The following CCBE1 variants were observed in gnomAD, a reference collection of about 807,000 sequenced individuals.
CCBE1 encodes collagen and calcium binding EGF domains 1, also known as collagen and calcium-binding EGF domain-containing protein 1.
A neutral mutation model predicts 50.0 loss-of-function variants in CCBE1; 37 were observed. The ratio of observed to expected loss-of-function variants is 0.74; its 90% confidence interval spans 0.57 to 0.97. The LOEUF is 0.97. Ranked by LOEUF, CCBE1 falls within the 50% of genes least tolerant of loss-of-function variation. The pLI is 0.00. For missense variants in CCBE1, 538 were observed against 523.8 expected, an observed-to-expected ratio of 1.03 and a Z score of -0.26; for synonymous variants, 234 against 203.7, an observed-to-expected ratio of 1.15 and a Z score of -1.27.
intron 2 of CCBE1, among the ~76,000 whole-genome samples, chr18:59,641,337 A>G (rs1419793337): frequency 6.6e-6 from 1 of 152,224 alleles, no homozygotes. Flanking sequence ...AAACTAACAC[A>G]GGAACAGAAA....
intron 2 of CCBE1, among the ~76,000 whole-genome samples, chr18:59,633,984 C>T (rs371252626): frequency 6.6e-6 from 1 of 152,108 alleles, no homozygotes; most frequent in Non-Finnish European, 1.5e-5. Flanking sequence ...GGCAGATGTA[C>T]GTACAAAATT....
chr18:59,438,168 T>C (rs1223570719), intron 9 of CCBE1, 22 bp from the exon 10 acceptor site: 1 of 1,613,768 alleles, frequency 6.2e-7, no homozygotes, highest in Admixed American at 1.7e-5. Flanking sequence ...AAGGCCAGGG[T>C]TAGCTTTCTA....
intron 2 of CCBE1, among the ~76,000 whole-genome samples, chr18:59,564,641 C>T (rs1032759539): frequency 3.9e-5 from 6 of 152,212 alleles, no homozygotes; most frequent in Admixed American, 6.5e-5. Context: ...CTTTGGGATT[C>T]GTGTGAAACA....
intron 2 of CCBE1, among the ~76,000 whole-genome samples, chr18:59,691,153 A>G (rs2054725660): frequency 6.6e-6 from 1 of 152,236 alleles, no homozygotes; most frequent in Non-Finnish European, 1.5e-5. Context: ...TTTACTTTTA[A>G]CATAGTCATT....
intron 2 of CCBE1, among the ~76,000 whole-genome samples, chr18:59,663,777 T>G (rs1599114637): frequency 6.6e-6 from 1 of 152,036 alleles, no homozygotes; most frequent in African/African-American, 2.4e-5. Flanking sequence ...GAGACTGTCA[T>G]GAGGCAGAAG....
At chr18:59,553,892 G>A (rs1916017286) in intron 2 of CCBE1, among the ~76,000 whole-genome samples, 1 of 152,246 alleles carries the variant, frequency 6.6e-6, no homozygotes, top group African/African-American at 2.4e-5. Flanking sequence ...ACAAAGCATG[G>A]CCAATAGCTT....
chr18:59,517,003 C>T (rs1010396139), intron 2 of CCBE1, among the ~76,000 whole-genome samples: 4 of 152,212 alleles, frequency 2.6e-5, no homozygotes, highest in African/African-American at 7.2e-5. Flanking sequence ...AGCCAGATCA[C>T]TTGTATATCA....
chr18:59,596,778 G>C (rs1390830172), intron 2 of CCBE1, among the ~76,000 whole-genome samples: 1 of 152,224 alleles, frequency 6.6e-6, no homozygotes, highest in Non-Finnish European at 1.5e-5. Context: ...AGTGTTGAGA[G>C]GGCCACAGGT....
At chr18:59,563,315 T>C (rs78871555) in intron 2 of CCBE1, among the ~76,000 whole-genome samples, 3,109 of 152,394 alleles carry the variant, frequency 0.02, 61 homozygotes, top group Non-Finnish European at 0.031. Flanking sequence ...TTAGTTTTTC[T>C]TGATTTTTTA....
intron 2 of CCBE1, among the ~76,000 whole-genome samples, chr18:59,519,291 G>T (rs1914500969): frequency 6.6e-6 from 1 of 152,124 alleles, no homozygotes; most frequent in African/African-American, 2.4e-5. Flanking sequence ...CAGCTTGGAG[G>T]TTCCTGGACT....
intron 2 of CCBE1, among the ~76,000 whole-genome samples, chr18:59,523,345 A>ACAG (rs1291791899): frequency 3.3e-5 from 5 of 151,014 alleles, no homozygotes; most frequent in Admixed American, 6.6e-5. Flanking sequence ...TGATAGGGAT[A>ACAG]CAGCCTTTGA....
chr18:59,489,601 TG>T (rs1263752695), intron 2 of CCBE1, among the ~76,000 whole-genome samples: 1 of 151,948 alleles, frequency 6.6e-6, no homozygotes, highest in Non-Finnish European at 1.5e-5. Flanking sequence ...TTAGTAGAGA[TG>T]GGGTTTTGCC....
At chr18:59,621,281 G>A (rs2053707048) in intron 2 of CCBE1, among the ~76,000 whole-genome samples, 1 of 152,202 alleles carries the variant, frequency 6.6e-6, no homozygotes, top group Admixed American at 6.5e-5. Context: ...CAGCAGATGG[G>A]CAGGTGGACA....
At chr18:59,561,841 C>G (rs962544371) in intron 2 of CCBE1, among the ~76,000 whole-genome samples, 2 of 152,114 alleles carry the variant, frequency 1.3e-5, no homozygotes, top group African/African-American at 2.4e-5. Context: ...CTCAAGCAGC[C>G]GAGACAGGGT....
intron 2 of CCBE1, among the ~76,000 whole-genome samples, chr18:59,636,829 T>C (rs1314257909): frequency 1.3e-5 from 2 of 152,196 alleles, no homozygotes; most frequent in African/African-American, 4.8e-5. Context: ...AAATAAACAA[T>C]AGTATCTAAC....
chr18:59,535,037 C>T (rs1915194356), intron 2 of CCBE1, among the ~76,000 whole-genome samples: 1 of 152,166 alleles, frequency 6.6e-6, no homozygotes, highest in Non-Finnish European at 1.5e-5. Flanking sequence ...AGTTTCGAAT[C>T]CCCAATTTCC....
At chr18:59,594,864 A>C (rs774315031) in intron 2 of CCBE1, among the ~76,000 whole-genome samples, 16 of 152,134 alleles carry the variant, frequency 1.1e-4, no homozygotes, top group Non-Finnish European at 2.2e-4. Flanking sequence ...CTATAATCCC[A>C]GCACTTTGGG....
intron 2 of CCBE1, among the ~76,000 whole-genome samples, chr18:59,575,082 C>T (rs1448488621): frequency 1.3e-5 from 2 of 152,124 alleles, no homozygotes; most frequent in Non-Finnish European, 1.5e-5. Flanking sequence ...CAAGGAACAC[C>T]AGAGATGGCT....
At chr18:59,622,773 G>A (rs2053729887) in intron 2 of CCBE1, among the ~76,000 whole-genome samples, 1 of 149,584 alleles carries the variant, frequency 6.7e-6, no homozygotes, top group African/African-American at 2.5e-5. Context: ...TACCCTCCAA[G>A]CCTGGGTGAC....
Sources: gnomAD v4.1 joint callset for allele counts (sites outside exome capture counted in the v4.1 genomes callset) on GRCh38, gnomAD v4.1.1 for gene constraint, MANE v1.5 for transcripts, NCBI Gene and HGNC (gene_info 2026-07-23, HGNC 2026-07-21) for gene names.